Variants in TRIM71 observed in about 807,000 individuals in gnomAD.
TRIM71 encodes the protein tripartite motif containing 71.
TRIM71 carries 9 observed loss-of-function variants against 61.2 expected under a neutral mutation model. The ratio of observed to expected loss-of-function variants is 0.15; its 90% CI spans 0.09 to 0.26. The LOEUF is 0.26. Among genes scored for constraint, TRIM71 ranks in the 10% least tolerant of loss-of-function variants. The pLI, the probability that TRIM71 is intolerant of heterozygous loss-of-function variation, is 1.00. For missense variants in TRIM71, 998 were observed against 1,238.7 expected, an observed-to-expected ratio of 0.81 and a Z score of 2.92; for synonymous variants, 645 against 553.2, an observed-to-expected ratio of 1.17 and a Z score of -2.33.
At chr3:32,848,149 T>A (rs1388046803) in intron 1 of TRIM71, among the ~76,000 whole-genome samples, 1 of 152,206 alleles carries the variant, frequency 6.6e-6, no homozygotes, top group Non-Finnish European at 1.5e-5. Flanking sequence ...CTTAATACTG[T>A]GTGACCTCAT....
intron 3 of TRIM71, among the ~76,000 whole-genome samples, chr3:32,889,158 G>C (rs1696994984): frequency 6.6e-6 from 1 of 152,140 alleles, no homozygotes; most frequent in Non-Finnish European, 1.5e-5. Flanking sequence ...TGTGAGCAAG[G>C]ACCATATTTT....
At chr3:32,872,696 G>A (rs1348841494) in intron 1 of TRIM71, among the ~76,000 whole-genome samples, 1 of 152,186 alleles carries the variant, frequency 6.6e-6, no homozygotes, top group Admixed American at 6.5e-5. Flanking sequence ...TGTCATACCT[G>A]TGTTGGAACC....
rs1487678035 is a variant in TRIM71 at position 32,818,497 on chromosome 3, T to G, written c.417T>G (p.Ala139=). 2 of 1,424,578 alleles carry G rather than the reference T, an allele frequency of 1.4e-6. No individual in the cohort carries two copies. The highest frequency in any genetic ancestry group is 9.2e-7 in the Non-Finnish European group (1 of 1,092,450). 88.2% of individuals were successfully genotyped at this position (1,424,578 alleles called of 1,614,324 possible). The change falls in exon 1 of 4, where the codon GCT becomes GCG. Residue 139 remains alanine (A), a synonymous_variant. Transcript: ENST00000383763. ...CGCCCAAGAACGGGCGCGCCGGCGC[T>G]CCGGCGGGAGCGGGCGGCCACAGCA... is the stretch of plus-strand genomic sequence containing the variant. ...EPPPKNGRAG[A]PAGAGGHSNH...
chr3:32,854,041 C>T (rs1467100326), intron 1 of TRIM71, among the ~76,000 whole-genome samples: 1 of 151,984 alleles, frequency 6.6e-6, no homozygotes, highest in East Asian at 1.9e-4. Flanking sequence ...TTGGTGTTGG[C>T]CCCTTTGGGC....
rs751157005 is a variant in TRIM71, at chr3:32,818,743, C to A, written c.663C>A (p.Asp221Glu). The change falls in exon 1 of 4, where the codon GAC becomes GAA. Residue 221 changes from aspartate (D) to glutamate (E), a missense_variant. Asp to Glu is a conservative substitution (Grantham distance 45). Coordinates refer to ENST00000383763, the MANE Select transcript of TRIM71 (RefSeq NM_001039111.3). ...RCLDCQEHLC[D>E]NCVRAHQRVR... Reference sequence around the variant, plus strand: ...TCGACTGCCAGGAGCACCTGTGCGACAACTGCGTCCGAGCGCACCAGCGCG... The same window carrying A: ...TCGACTGCCAGGAGCACCTGTGCGAAAACTGCGTCCGAGCGCACCAGCGCG... 6.9e-6 allele frequency: 11 copies of A among 1,602,920 alleles called. No individual in the cohort carries two copies. The East Asian group carries it at 2.5e-4, about 36-fold the overall frequency.
In TRIM71 at chr3:32,843,856, A is replaced by AG. The variant is rs1354857193; in HGVS notation, c.852+24927dup. 1.4e-4 allele frequency among the ~76,000 whole-genome samples: 22 copies of AG among 152,292 alleles called. No homozygotes were observed. In the East Asian group the frequency reaches 3.9e-3, roughly 27 times the overall value. The stretch of plus-strand genomic sequence containing the variant: ...CAGAAAGCAAACCAGGGTGTGGGCA[A>AG]GGGTTAATCTGGGCCCTGCCCGCCC... On this transcript the variant is annotated intron_variant, in intron 1 of 3. Coordinates refer to ENST00000383763, the MANE Select transcript of TRIM71 (RefSeq NM_001039111.3).
intron 1 of TRIM71, among the ~76,000 whole-genome samples, chr3:32,838,294 G>A (rs181741801): frequency 1.1e-4 from 17 of 152,152 alleles, no homozygotes; most frequent in South Asian, 2.1e-4. Flanking sequence ...TGTGAGCTCC[G>A]GTTCACCGCA....
chr3:32,863,293 C>CG (rs1696694747), intron 1 of TRIM71, among the ~76,000 whole-genome samples: 1 of 145,484 alleles, frequency 6.9e-6, no homozygotes, highest in Non-Finnish European at 1.5e-5. Flanking sequence ...ACAGCAGCCT[C>CG]GAACTCTTGG....
At chr3:32,882,578 CTG>C (rs1244154642) in intron 2 of TRIM71, among the ~76,000 whole-genome samples, 1 of 151,952 alleles carries the variant, frequency 6.6e-6, no homozygotes, top group Non-Finnish European at 1.5e-5. Flanking sequence ...GAGTCTTGCT[CTG>C]TCACCCAGGC....
intron 1 of TRIM71, among the ~76,000 whole-genome samples, chr3:32,830,834 G>C (rs1696262618): frequency 6.6e-6 from 1 of 152,064 alleles, no homozygotes; most frequent in Non-Finnish European, 1.5e-5. Flanking sequence ...TTGTTTTGAT[G>C]TTTGTTTGTT....
intron 1 of TRIM71, among the ~76,000 whole-genome samples, chr3:32,863,882 A>T (rs935129384): frequency 1.1e-4 from 16 of 151,940 alleles, no homozygotes; most frequent in Non-Finnish European, 1.9e-4. Context: ...GGGTTTCACT[A>T]TGTTGGCCAG....
rs1354747709 is a variant in TRIM71, at chr3:32,890,160, CTG to C, written c.1156-198_1156-197del. 6.6e-6 allele frequency among the ~76,000 whole-genome samples: 1 copy of C among 152,190 alleles called. No individual in the cohort carries two copies. The highest frequency in any genetic ancestry group is 1.9e-4 in the East Asian group (1 of 5,204). ...TTGTCCTGTTTCTAGTAACTATCCT[CTG>C]TAACCCAGAACAGTTCTTCAGGTTT... On this transcript the variant is annotated intron_variant, in intron 3 of 3. Transcript: ENST00000383763. The surrounding 1 kb of genome is among the most constrained non-coding windows in gnomAD (Gnocchi z 6.2).
chr3:32,885,790 T>C (rs1696955344), intron 2 of TRIM71, 144 bp from the exon 3 acceptor site: 1 of 1,122,984 alleles, frequency 8.9e-7, no homozygotes, highest in African/African-American at 1.6e-5. Flanking sequence ...CCTAAGTGCC[T>C]GTTTTCCTTC....
intron 1 of TRIM71, among the ~76,000 whole-genome samples, chr3:32,828,638 G>T (rs919651923): frequency 6.0e-5 from 9 of 148,968 alleles, no homozygotes; most frequent in African/African-American, 2.2e-4. Context: ...CTTCTGAGAA[G>T]GTGCATGCCA....
intron 1 of TRIM71, among the ~76,000 whole-genome samples, chr3:32,820,430 TTGAA>T (rs1383894507): frequency 1.4e-4 from 21 of 152,252 alleles, no homozygotes; most frequent in African/African-American, 5.1e-4. Flanking sequence ...TTTTTAAACT[TTGAA>T]TGGACTCCTA....
At chr3:32,854,930 T>C (rs896614053) in intron 1 of TRIM71, among the ~76,000 whole-genome samples, 1 of 152,090 alleles carries the variant, frequency 6.6e-6, no homozygotes, top group Non-Finnish European at 1.5e-5. Flanking sequence ...TCAGCCACAG[T>C]TGGAAAAGAG....
In TRIM71 at chr3:32,890,819, G is replaced by C; in HGVS notation, c.1615G>C (p.Glu539Gln). 1.9e-6 allele frequency: 3 copies of C among 1,614,222 alleles called. No individual in the cohort carries two copies. Among genetic ancestry groups the C allele is most frequent in the Non-Finnish European group, 2.5e-6 (3 of 1,180,042 alleles). Residue 539 changes from glutamate (E) to glutamine (Q), a missense_variant, in exon 4 of 4, where the codon GAG becomes CAG. Glu to Gln is a conservative substitution (Grantham distance 29). Coordinates refer to ENST00000383763, the MANE Select transcript of TRIM71 (RefSeq NM_001039111.3). The surrounding 1 kb of genome is among the most constrained non-coding windows in gnomAD (Gnocchi z 6.2). ...LGPDGNLFGA[E>Q]VSDQQNGTYV... Reference sequence around the variant, plus strand: ...CCCTGATGGCAACCTGTTTGGTGCAGAGGTGAGTGATCAGCAGAATGGGAC... The same window carrying C: ...CCCTGATGGCAACCTGTTTGGTGCACAGGTGAGTGATCAGCAGAATGGGAC...
intron 1 of TRIM71, among the ~76,000 whole-genome samples, chr3:32,825,130 C>T (rs914268668): frequency 5.9e-5 from 9 of 152,158 alleles, no homozygotes; most frequent in African/African-American, 2.2e-4. Context: ...TCTCAGGAGG[C>T]TTAAATGTCT....
chr3:32,889,559 AATTATT>A (rs35065462), intron 3 of TRIM71, among the ~76,000 whole-genome samples: 2,469 of 139,572 alleles, frequency 0.018, 38 homozygotes, highest in African/African-American at 0.043. Flanking sequence ...GTTTTGTCCC[AATTATT>A]ATTATTATTA....
Sources: allele counts gnomAD v4.1 joint callset (sites outside exome capture counted in the v4.1 genomes callset), GRCh38; gene constraint gnomAD v4.1.1; non-coding constraint Gnocchi (gnomAD v3.1); transcripts MANE v1.5; gene names NCBI Gene and HGNC (gene_info 2026-07-23, HGNC 2026-07-21).